SCFD2: variants seen among roughly 807,000 people sequenced by gnomAD.
SCFD2 encodes the protein sec1 family domain-containing protein 2.
SCFD2 carries 54 observed loss-of-function variants against 58.9 expected under a neutral mutation model. The observed-to-expected ratio is 0.92, with a 90% CI of 0.74 to 1.15. SCFD2 has a LOEUF of 1.15. Among genes scored for constraint, SCFD2 ranks in the 50% most tolerant of loss-of-function variants. The pLI, the probability that SCFD2 is intolerant of heterozygous loss-of-function variation, is 0.00. For synonymous variants in SCFD2, 321 were observed against 335.9 expected (o/e 0.96, Z 0.49); for missense variants, 805 against 836.6 (o/e 0.96, Z 0.47).
intron 5 of SCFD2, among the ~76,000 whole-genome samples, chr4:53,062,541 C>T (rs1290684869): frequency 6.6e-6 from 1 of 152,114 alleles, no homozygotes; most frequent in Non-Finnish European, 1.5e-5. Flanking sequence ...AAGAACCAAA[C>T]AAAGAATGAC....
At chr4:53,127,549 G>C (rs921768813) in intron 5 of SCFD2, among the ~76,000 whole-genome samples, 1 of 152,112 alleles carries the variant, frequency 6.6e-6, no homozygotes, top group African/African-American at 2.4e-5. Flanking sequence ...TTCACTTTAC[G>C]ACACACAATG....
chr4:53,101,598 T>C (rs1724833968), intron 5 of SCFD2, among the ~76,000 whole-genome samples: 1 of 152,130 alleles, frequency 6.6e-6, no homozygotes, highest in Non-Finnish European at 1.5e-5. Flanking sequence ...AACCACTGGG[T>C]GACTTAAAAG....
chr4:53,166,250 C>A (rs1727003411), intron 4 of SCFD2, among the ~76,000 whole-genome samples: 1 of 152,074 alleles, frequency 6.6e-6, no homozygotes, highest in Non-Finnish European at 1.5e-5. Context: ...TATCAGATAT[C>A]TTTATAAAGA....
At chr4:52,929,899 A>C (rs1054806375) in intron 5 of SCFD2, among the ~76,000 whole-genome samples, 1 of 152,336 alleles carries the variant, frequency 6.6e-6, no homozygotes, top group African/African-American at 2.4e-5. Context: ...ATGCTCATGG[A>C]TAGAATCAAT....
intron 2 of SCFD2, among the ~76,000 whole-genome samples, chr4:53,336,670 C>A (rs192232574): frequency 1.3e-5 from 2 of 152,236 alleles, no homozygotes; most frequent in East Asian, 3.9e-4. Context: ...ACTACCAGCA[C>A]TACATCCAGT....
Position 52,907,568 on chromosome 4 carries a change from CT to C in SCFD2, c.1730del (p.Lys577SerfsTer37), listed in dbSNP as rs1434239223. On this transcript the variant is annotated frameshift_variant, in exon 7 of 9. Transcript: ENST00000401642. LOFTEE classifies it high-confidence loss of function. ...GATGAAATATTTCCTCCACAACTTG[CT>C]TCAACAATGGCTTATAAGATGCCTG... ...THQASYKPLL[K>X]QVVEEIFHPE... The C allele has an allele frequency of 6.2e-7, 1 of 1,613,976 alleles. No individual in the cohort carries two copies. Among genetic ancestry groups the C allele is most frequent in the Admixed American group, 1.7e-5 (1 of 60,002 alleles).
intron 5 of SCFD2, among the ~76,000 whole-genome samples, chr4:52,935,270 T>C (rs1720107464): frequency 6.6e-6 from 1 of 152,226 alleles, no homozygotes; most frequent in Non-Finnish European, 1.5e-5. Context: ...ATGGGAGATT[T>C]CTATTTTCCA....
rs148015222 is a variant in SCFD2 at position 53,353,357 on chromosome 4, C to G, written c.839-591G>C. Among the ~76,000 whole-genome samples, 91 of 152,312 alleles carry G rather than the reference C, an allele frequency of 6.0e-4. 1 individual carries two copies. The highest frequency in any genetic ancestry group is 2.1e-3 in the African/African-American group (87 of 41,590). ...CTGCAGACCTTCACCATGAGTGTTA[C>G]AGCTCATAAAGGCATGCACGGACCC... On this transcript the variant is annotated intron_variant, in intron 1 of 8. Coordinates refer to ENST00000401642, the MANE Select transcript of SCFD2 (RefSeq NM_152540.4).
At chr4:52,917,237 C>T (rs1198939568) in intron 6 of SCFD2, among the ~76,000 whole-genome samples, 1 of 152,140 alleles carries the variant, frequency 6.6e-6, no homozygotes, top group Non-Finnish European at 1.5e-5. Context: ...TATTAATTCA[C>T]CAAATCATTA....
chr4:53,283,845 C>G (rs1019181808), intron 3 of SCFD2, among the ~76,000 whole-genome samples: 19 of 152,038 alleles, frequency 1.2e-4, no homozygotes, highest in African/African-American at 4.6e-4. Flanking sequence ...AGGCCAGGCA[C>G]GGTGTCTCAC....
chr4:52,934,887 C>T (rs954692484), intron 5 of SCFD2, among the ~76,000 whole-genome samples: 1 of 152,146 alleles, frequency 6.6e-6, no homozygotes, highest in Non-Finnish European at 1.5e-5. Context: ...GAGTTGGTTG[C>T]TGAAGAGTAT....
intron 4 of SCFD2, among the ~76,000 whole-genome samples, chr4:53,196,900 T>C (rs1284694032): frequency 2.6e-5 from 4 of 152,136 alleles, no homozygotes; most frequent in Admixed American, 6.6e-5. Flanking sequence ...AACTGCAAGA[T>C]AGGATTGGTT....
intron 5 of SCFD2, among the ~76,000 whole-genome samples, chr4:53,140,888 A>G (rs912728917): frequency 6.6e-6 from 1 of 152,200 alleles, no homozygotes; most frequent in Non-Finnish European, 1.5e-5. Context: ...GGGTGATGTT[A>G]GCACACTTAA....
chr4:53,336,015 G>T (rs1203236107), intron 2 of SCFD2, among the ~76,000 whole-genome samples: 3 of 152,126 alleles, frequency 2.0e-5, no homozygotes, highest in African/African-American at 7.2e-5. Flanking sequence ...TATATTTAAA[G>T]CACGGGGATC....
intron 5 of SCFD2, among the ~76,000 whole-genome samples, chr4:53,073,224 C>A (rs1489699801): frequency 6.6e-6 from 1 of 151,750 alleles, no homozygotes; most frequent in Non-Finnish European, 1.5e-5. Context: ...TTAAAGAATA[C>A]AGGAGGATGT....
At chr4:52,904,959 T>A (rs1443409675) in intron 7 of SCFD2, among the ~76,000 whole-genome samples, 1 of 152,230 alleles carries the variant, frequency 6.6e-6, no homozygotes. Context: ...TAAACAGGGA[T>A]AATGATAGGA....
intron 5 of SCFD2, among the ~76,000 whole-genome samples, chr4:53,116,311 A>C (rs998567605): frequency 6.6e-6 from 1 of 152,220 alleles, no homozygotes; most frequent in African/African-American, 2.4e-5. Context: ...GCTCGTTGAT[A>C]TCACTCATGC....
intron 5 of SCFD2, among the ~76,000 whole-genome samples, chr4:52,971,831 T>C (rs893755356): frequency 7.9e-5 from 12 of 152,230 alleles, no homozygotes; most frequent in African/African-American, 2.4e-4. Context: ...GCAGAAACTC[T>C]ACAAGCCAGA....
intron 2 of SCFD2, among the ~76,000 whole-genome samples, chr4:53,331,585 A>G (rs1733471797): frequency 6.6e-6 from 1 of 152,196 alleles, no homozygotes; most frequent in Non-Finnish European, 1.5e-5. Flanking sequence ...TCTCTGGGAC[A>G]CATTCAAAGC....
Sources: allele counts gnomAD v4.1 joint callset (sites outside exome capture counted in the v4.1 genomes callset), GRCh38; gene constraint gnomAD v4.1.1; transcripts MANE v1.5; gene names NCBI Gene and HGNC (gene_info 2026-07-23, HGNC 2026-07-21).